LYPD6B: variants seen among roughly 807,000 people sequenced by gnomAD.
LYPD6B encodes LY6/PLAUR domain containing 6B, also known as ly6/PLAUR domain-containing protein 6B.
Under a neutral mutation model 22.8 loss-of-function variants are expected in LYPD6B, and 17 were observed. That is an observed-to-expected ratio of 0.75 (90% CI 0.51 to 1.12). The LOEUF is 1.12. LYPD6B is among the 50% of genes most tolerant of loss of function. LYPD6B has a pLI of 0.00. For missense variants in LYPD6B, 221 were observed against 258.3 expected, an observed-to-expected ratio of 0.86 and a Z score of 0.99; for synonymous variants, 106 against 91.6, an observed-to-expected ratio of 1.16 and a Z score of -0.90.
intron 1 of LYPD6B, among the ~76,000 whole-genome samples, chr2:149,054,159 T>C (rs567766922): frequency 6.6e-6 from 1 of 152,370 alleles, no homozygotes; most frequent in African/African-American, 2.4e-5. Flanking sequence ...ATGTTTAACC[T>C]TTCAGAAGTT....
At chr2:149,183,126 T>G (rs1200983185) in intron 3 of LYPD6B, among the ~76,000 whole-genome samples, 1 of 152,212 alleles carries the variant, frequency 6.6e-6, no homozygotes, top group Non-Finnish European at 1.5e-5. Flanking sequence ...AAGTTGGTGA[T>G]CAGTAAAATT....
intron 2 of LYPD6B, among the ~76,000 whole-genome samples, chr2:149,159,842 A>C (rs964655503): frequency 6.6e-6 from 1 of 152,162 alleles, no homozygotes; most frequent in Non-Finnish European, 1.5e-5. Flanking sequence ...GACTGATCAA[A>C]TAAGGCTCAC....
chr2:149,159,923 C>A (rs1419726209), intron 2 of LYPD6B, among the ~76,000 whole-genome samples: 1 of 152,084 alleles, frequency 6.6e-6, no homozygotes, highest in East Asian at 1.9e-4. Context: ...ATAAAAAATA[C>A]CTTCTTGGCA....
intron 1 of LYPD6B, among the ~76,000 whole-genome samples, chr2:149,092,190 TG>T (rs1336737085): frequency 1.1e-4 from 17 of 151,548 alleles, no homozygotes; most frequent in East Asian, 9.7e-4. Context: ...ATTGTGGTGA[TG>T]GGGGGGGAAT....
rs542693488 is a variant in LYPD6B at position 149,168,331 on chromosome 2, G to A, written c.77+7496G>A. On this transcript the variant is annotated intron_variant, in intron 3 of 6. Coordinates refer to ENST00000409642, the MANE Select transcript of LYPD6B (RefSeq NM_177964.5). The stretch of plus-strand genomic sequence containing the variant: ...TATTTACACATTTGCACATGTGCCC[G>A]TCAGGTTCCAGTCCACAGTAGCAGC... Among the ~76,000 whole-genome samples the A allele has an allele frequency of 5.9e-5, 9 of 151,858 alleles. 1 individual carries two copies. In the South Asian group the frequency reaches 1.0e-3, roughly 18 times the overall value.
chr2:149,180,905 G>T (rs1296732656), intron 3 of LYPD6B, among the ~76,000 whole-genome samples: 2 of 152,184 alleles, frequency 1.3e-5, no homozygotes, highest in African/African-American at 4.8e-5. Context: ...GGCCTCACCT[G>T]CTCTGTGACC....
intron 1 of LYPD6B, among the ~76,000 whole-genome samples, chr2:149,089,173 G>C (rs1211849461): frequency 6.6e-6 from 1 of 152,220 alleles, no homozygotes. Context: ...AGAGTCATTT[G>C]ACATGTGGTG....
chr2:149,126,403 T>C (rs547879488), intron 1 of LYPD6B, among the ~76,000 whole-genome samples: 3 of 152,214 alleles, frequency 2.0e-5, no homozygotes, highest in Non-Finnish European at 2.9e-5. Flanking sequence ...TGCATACTTA[T>C]TTTGTATGTT....
Position 149,122,035 on chromosome 2 carries a change from A to G in LYPD6B, c.-66-8848A>G, listed in dbSNP as rs114570676. Among the ~76,000 whole-genome samples, 644 of 152,326 alleles carry G rather than the reference A, an allele frequency of 4.2e-3. 3 individuals are homozygous for G. The highest frequency in any genetic ancestry group is 7.1e-3 in the Non-Finnish European group (486 of 68,028). On this transcript the variant is annotated intron_variant, in intron 1 of 6. Coordinates refer to ENST00000409642, the MANE Select transcript of LYPD6B (RefSeq NM_177964.5). ...AAACAGACCAAAACAAACTATCACC[A>G]TAATTGTGGAAGTTTGTTTCAGTAG... is the stretch of plus-strand genomic sequence containing the variant.
rs569262267 is a variant in LYPD6B, at chr2:149,052,036, C to A, written c.-67+13235C>A. Among the ~76,000 whole-genome samples the A allele has an allele frequency of 9.9e-5, 15 of 152,162 alleles. No individual in the cohort carries two copies. In the South Asian group the frequency reaches 3.1e-3, roughly 32 times the overall value. ...CTGGGAATTTGAGAGTGCCTTTTCT[C>A]CTAAGCCTCATACAATACTAGGATT... On this transcript the variant is annotated intron_variant, in intron 1 of 6. Coordinates refer to ENST00000409642, the MANE Select transcript of LYPD6B (RefSeq NM_177964.5).
intron 2 of LYPD6B, among the ~76,000 whole-genome samples, chr2:149,143,453 T>C (rs1470317626): frequency 6.6e-6 from 1 of 151,384 alleles, no homozygotes; most frequent in Non-Finnish European, 1.5e-5. Context: ...CTACGCCATG[T>C]TTTTACTATA....
chr2:149,079,962 C>G (rs1273267112), intron 1 of LYPD6B, among the ~76,000 whole-genome samples: 2 of 152,218 alleles, frequency 1.3e-5, no homozygotes, highest in African/African-American at 2.4e-5. Context: ...CTTTATTTAT[C>G]TGCACTTCTT....
chr2:149,135,810 G>A (rs1688333693), intron 2 of LYPD6B, among the ~76,000 whole-genome samples: 1 of 148,650 alleles, frequency 6.7e-6, no homozygotes, highest in Non-Finnish European at 1.5e-5. Context: ...GAATTAAGAA[G>A]CCTCAGAAGT....
At chr2:149,143,724 T>TA (rs1472942490) in intron 2 of LYPD6B, 1 of 152,186 alleles carries the variant, frequency 6.6e-6, no homozygotes. Context: ...TATAACTAAT[T>TA]AAATGCTAAG....
intron 1 of LYPD6B, among the ~76,000 whole-genome samples, chr2:149,076,348 CAT>C (rs1490627333): frequency 6.6e-6 from 1 of 152,084 alleles, no homozygotes; most frequent in Non-Finnish European, 1.5e-5. Context: ...GAGAATGCAG[CAT>C]ATAATAAGAA....
intron 3 of LYPD6B, among the ~76,000 whole-genome samples, chr2:149,165,143 T>C (rs1690340592): frequency 6.6e-6 from 1 of 152,118 alleles, no homozygotes; most frequent in Non-Finnish European, 1.5e-5. Flanking sequence ...GCCCCTCCAA[T>C]AGCCTAGCTC....
At chr2:149,152,839 A>G (rs1689462284) in intron 2 of LYPD6B, among the ~76,000 whole-genome samples, 1 of 152,198 alleles carries the variant, frequency 6.6e-6, no homozygotes, top group Non-Finnish European at 1.5e-5. Flanking sequence ...GTTAAAGCTC[A>G]GTAGGAATTT....
chr2:149,185,609 G>GT (rs1207569777), intron 3 of LYPD6B, among the ~76,000 whole-genome samples: 1 of 152,190 alleles, frequency 6.6e-6, no homozygotes, highest in African/African-American at 2.4e-5. Context: ...ATGACCACAC[G>GT]TAAGTAGAAG....
At position 149,174,758 on chromosome 2, in the gene LYPD6B, T is replaced by C. The variant is rs143026692; in HGVS notation, c.77+13923T>C. 2.1e-3 allele frequency among the ~76,000 whole-genome samples: 317 copies of C among 151,940 alleles called. 2 individuals carry two copies. The highest frequency in any genetic ancestry group is 3.6e-3 in the Non-Finnish European group (243 of 67,966). On this transcript the variant is annotated intron_variant, in intron 3 of 6. Transcript: ENST00000409642. ...CTGTTGTTCGTGGTGGATTAGCTTT[T>C]TGATGTGCTGCTGGATTCCTGTCAG...
Sources: gnomAD v4.1 joint callset for allele counts (sites outside exome capture counted in the v4.1 genomes callset) on GRCh38, gnomAD v4.1.1 for gene constraint, MANE v1.5 for transcripts, NCBI Gene and HGNC (gene_info 2026-07-23, HGNC 2026-07-21) for gene names.